The following DCDC2C variants were observed in gnomAD, a reference collection of about 807,000 sequenced individuals.
DCDC2C encodes doublecortin domain-containing protein 2C.
DCDC2C carries 44 observed loss-of-function variants against 45.0 expected under a neutral mutation model. That is an observed-to-expected ratio of 0.98 (90% CI 0.77 to 1.26). The LOEUF is 1.26. Ranked by LOEUF, DCDC2C falls within the 50% of genes most tolerant of loss-of-function variation. The probability of loss-of-function intolerance (pLI) is 0.00; values close to 1 mark genes in which losing one functional copy is unlikely to be tolerated. For missense variants in DCDC2C, 447 were observed against 468.9 expected (o/e 0.95, Z 0.43); for synonymous variants, 187 against 178.8 (o/e 1.05, Z -0.37).
At chr2:3,816,472 A>G (rs1558240441) in intron 10 of DCDC2C, among the ~76,000 whole-genome samples, 1 of 152,220 alleles carries the variant, frequency 6.6e-6, no homozygotes, top group Non-Finnish European at 1.5e-5. Context: ...TTGAGGCCTC[A>G]GCAATTCTGG....
intron 10 of DCDC2C, among the ~76,000 whole-genome samples, chr2:3,801,706 C>T (rs1012191360): frequency 3.9e-5 from 6 of 152,254 alleles, no homozygotes; most frequent in African/African-American, 1.4e-4. Context: ...GTTAACTGCT[C>T]CTTGGCTTCT....
intron 5 of DCDC2C, among the ~76,000 whole-genome samples, chr2:3,753,587 C>G (rs956792948): frequency 6.6e-6 from 1 of 152,146 alleles, no homozygotes; most frequent in African/African-American, 2.4e-5. Flanking sequence ...TTATCTCGAG[C>G]AAAGAAAAAG....
At chr2:3,810,376 C>A (rs1238830816) in intron 10 of DCDC2C, among the ~76,000 whole-genome samples, 1 of 152,192 alleles carries the variant, frequency 6.6e-6, no homozygotes, top group Non-Finnish European at 1.5e-5. Context: ...TATTTGTTAG[C>A]CACATAAATG....
chr2:3,828,899 C>T (rs1294834061), intron 10 of DCDC2C, among the ~76,000 whole-genome samples: 4 of 152,122 alleles, frequency 2.6e-5, no homozygotes, highest in Non-Finnish European at 1.5e-5. Context: ...GTAAGTTTTT[C>T]TTTTACTCAC....
chr2:3,750,390 G>A lies in DCDC2C; in HGVS notation c.546-2373G>A, dbSNP rs192634977. Among the ~76,000 whole-genome samples, 218 of 152,218 alleles carry A rather than the reference G, an allele frequency of 1.4e-3. 1 individual carries two copies. Among genetic ancestry groups the A allele is most frequent in the Non-Finnish European group, 2.3e-3 (158 of 68,028 alleles). On this transcript the variant is annotated intron_variant, in intron 4 of 10. Coordinates refer to ENST00000399143, the MANE Select transcript of DCDC2C (RefSeq NM_001287444.2). The stretch of plus-strand genomic sequence containing the variant: ...CATTCTCATAGCAACTCCTGGATTC[G>A]CTGTTCCTTTTATTTAACCACGTCC...
At chr2:3,828,234 T>C (rs6716402) in intron 10 of DCDC2C, among the ~76,000 whole-genome samples, 1,540 of 152,308 alleles carry the variant, frequency 0.01, 27 homozygotes, top group African/African-American at 0.035. Context: ...AATACAGTGA[T>C]TACCTGTCTT....
intron 6 of DCDC2C, among the ~76,000 whole-genome samples, chr2:3,757,586 T>G (rs1669755543): frequency 6.6e-6 from 1 of 152,200 alleles, no homozygotes; most frequent in Non-Finnish European, 1.5e-5. Context: ...ACTCATTGAT[T>G]CATCTGGTCG....
At chr2:3,796,690 G>T in intron 10 of DCDC2C, among the ~76,000 whole-genome samples, 1 of 138,074 alleles carries the variant, frequency 7.2e-6, no homozygotes, top group African/African-American at 2.8e-5. Flanking sequence ...TGCGTATATT[G>T]AACCAGCCTT....
chr2:3,827,327 G>A (rs1448755055), intron 10 of DCDC2C, among the ~76,000 whole-genome samples: 1 of 152,092 alleles, frequency 6.6e-6, no homozygotes, highest in Non-Finnish European at 1.5e-5. Flanking sequence ...ATGGGGGTGG[G>A]GGTCCACTTG....
chr2:3,704,079 C>T (rs1401903801), intron 1 of DCDC2C, 41 bp downstream of exon 1: 14 of 1,237,388 alleles, frequency 1.1e-5, no homozygotes, highest in Non-Finnish European at 1.4e-5. Context: ...GCGCCCCTCC[C>T]CGCCCTCTTG....
intron 10 of DCDC2C, among the ~76,000 whole-genome samples, chr2:3,810,451 A>G (rs570579651): frequency 6.6e-6 from 1 of 152,226 alleles, no homozygotes; most frequent in South Asian, 2.1e-4. Context: ...TTTCTTGTAA[A>G]TTTGTTTAAG....
At chr2:3,783,733 C>T (rs11897970) in intron 9 of DCDC2C, among the ~76,000 whole-genome samples, 6,885 of 152,216 alleles carry the variant, frequency 0.045, 526 homozygotes, top group African/African-American at 0.16. Flanking sequence ...GGCCTGAGGC[C>T]GGAGTGTGGC....
intron 8 of DCDC2C, 51 bp from the exon 9 acceptor site, chr2:3,778,765 A>G (rs1163631389): frequency 6.6e-7 from 1 of 1,525,308 alleles, no homozygotes; most frequent in Non-Finnish European, 8.9e-7. Flanking sequence ...TGATTTTTTA[A>G]AAGGAGTTCC....
chr2:3,820,321 G>A (rs1008841742), intron 10 of DCDC2C, among the ~76,000 whole-genome samples: 1 of 152,164 alleles, frequency 6.6e-6, no homozygotes, highest in African/African-American at 2.4e-5. Context: ...AGTTGAAGAG[G>A]TTTTAAGTTT....
chr2:3,705,990 T>C (rs1208706879), intron 1 of DCDC2C, among the ~76,000 whole-genome samples: 2 of 152,182 alleles, frequency 1.3e-5, no homozygotes, highest in African/African-American at 4.8e-5. Context: ...AAGTTCAACA[T>C]AGAGAGCACG....
chr2:3,806,190 T>G (rs1671238411), intron 10 of DCDC2C, among the ~76,000 whole-genome samples: 1 of 152,196 alleles, frequency 6.6e-6, no homozygotes, highest in South Asian at 2.1e-4. Flanking sequence ...ATTTTGCACT[T>G]CATGACTCCC....
At chr2:3,733,224 T>C (rs1211098940) in intron 3 of DCDC2C, among the ~76,000 whole-genome samples, 1 of 152,246 alleles carries the variant, frequency 6.6e-6, no homozygotes. Flanking sequence ...GTGTAAGCTG[T>C]TCTCCTTCCT....
At chr2:3,783,593 G>C (rs1183269094) in intron 9 of DCDC2C, among the ~76,000 whole-genome samples, 2 of 152,244 alleles carry the variant, frequency 1.3e-5, no homozygotes, top group Non-Finnish European at 2.9e-5. Flanking sequence ...TCATTTTGGT[G>C]TCATCGTTAG....
At chr2:3,766,308 A>G (rs370835919) in intron 6 of DCDC2C, among the ~76,000 whole-genome samples, 3 of 149,980 alleles carry the variant, frequency 2.0e-5, no homozygotes, top group Non-Finnish European at 3.0e-5. Context: ...ATACACACAC[A>G]CGCACACACA....
Sources: gnomAD v4.1 joint callset for allele counts (sites outside exome capture counted in the v4.1 genomes callset) on GRCh38, gnomAD v4.1.1 for gene constraint, MANE v1.5 for transcripts, NCBI Gene and HGNC (gene_info 2026-07-23, HGNC 2026-07-21) for gene names.